DOCK3: variants seen among roughly 807,000 people sequenced by gnomAD.
DOCK3 encodes the protein dedicator of cytokinesis 3.
Under a neutral mutation model 265.6 loss-of-function variants are expected in DOCK3, and 60 were observed. The ratio of observed to expected loss-of-function variants is 0.23; its 90% CI spans 0.18 to 0.28. The LOEUF (loss-of-function observed/expected upper bound fraction) is 0.28, where lower values mean the gene tolerates loss of function less well. Ranked by LOEUF, DOCK3 falls within the 10% of genes least tolerant of loss-of-function variation. The pLI, the probability that DOCK3 is intolerant of heterozygous loss-of-function variation, is 1.00. For synonymous variants in DOCK3, 881 were observed against 938.0 expected, an observed-to-expected ratio of 0.94 and a Z score of 1.11; for missense variants, 1,981 against 2,594.3, an observed-to-expected ratio of 0.76 and a Z score of 5.14.
intron 3 of DOCK3, among the ~76,000 whole-genome samples, chr3:50,852,971 A>C (rs936269788): frequency 1.3e-5 from 2 of 152,180 alleles, no homozygotes; most frequent in African/African-American, 2.4e-5. Flanking sequence ...ACAATGTGTA[A>C]TGATCAAAAC....
At chr3:51,357,692 C>T in intron 44 of DOCK3, 66 bp from the exon 45 acceptor site, 1 of 1,549,422 alleles carries the variant, frequency 6.5e-7, no homozygotes, top group Non-Finnish European at 8.9e-7. Context: ...GGACTCAAGT[C>T]TCCTGGGCCC....
chr3:50,797,797 C>T (rs979445456), intron 2 of DOCK3, among the ~76,000 whole-genome samples: 1 of 152,068 alleles, frequency 6.6e-6, no homozygotes, highest in Non-Finnish European at 1.5e-5. Flanking sequence ...TTTTTTCATA[C>T]ATTTATTGGC....
At chr3:51,308,263 C>A (rs1441673627) in intron 27 of DOCK3, among the ~76,000 whole-genome samples, 1 of 147,762 alleles carries the variant, frequency 6.8e-6, no homozygotes, top group African/African-American at 2.5e-5. Context: ...GTGTTTCTCG[C>A]AGAGGGGGAT....
chr3:50,951,916 A>G (rs1459200677), intron 5 of DOCK3, among the ~76,000 whole-genome samples: 1 of 152,196 alleles, frequency 6.6e-6, no homozygotes, highest in African/African-American at 2.4e-5. Flanking sequence ...CATTTCCAAC[A>G]TTGTCTAAAA....
intron 35 of DOCK3, chr3:51,336,925 A>T: frequency 2.2e-6 from 1 of 455,840 alleles, no homozygotes; most frequent in Non-Finnish European, 4.4e-6. Context: ...GGGCCAACTT[A>T]CTGGGGAGAC....
chr3:50,972,730 G>A (rs577583358), intron 5 of DOCK3, among the ~76,000 whole-genome samples: 1 of 152,218 alleles, frequency 6.6e-6, no homozygotes, highest in East Asian at 1.9e-4. Flanking sequence ...GTTTCCTGGT[G>A]GATTTATTTC....
intron 5 of DOCK3, among the ~76,000 whole-genome samples, chr3:50,966,955 T>G (rs1055947410): frequency 9.2e-4 from 140 of 152,318 alleles, no homozygotes; most frequent in African/African-American, 3.2e-3. Flanking sequence ...TTTAAAAAAA[T>G]CTTTTTATTG....
At chr3:50,936,772 G>T (rs1397592198) in intron 5 of DOCK3, among the ~76,000 whole-genome samples, 1 of 152,190 alleles carries the variant, frequency 6.6e-6, no homozygotes, top group Non-Finnish European at 1.5e-5. Flanking sequence ...AAGAAAATTT[G>T]TTGACAGCAG....
chr3:51,096,377 T>C (rs1244773315), intron 9 of DOCK3, among the ~76,000 whole-genome samples: 1 of 152,212 alleles, frequency 6.6e-6, no homozygotes, highest in Non-Finnish European at 1.5e-5. Context: ...CTTCACACTT[T>C]ATTTCATTAA....
chr3:51,379,528 GCGC>G (rs2088436578), intron 51 of DOCK3: 1 of 985,334 alleles, frequency 1.0e-6, no homozygotes, highest in African/African-American at 1.7e-5. Context: ...CCCATATGGG[GCGC>G]ATCCTGGCCC....
intron 48 of DOCK3, 144 bp from the exon 49 acceptor site, chr3:51,362,383 A>C (rs989873496): frequency 6.2e-6 from 7 of 1,132,546 alleles, no homozygotes; most frequent in African/African-American, 3.1e-5. Flanking sequence ...TTGCCCAGCC[A>C]TTAGCCTGGC....
At chr3:50,863,107 T>C (rs967787664) in intron 3 of DOCK3, among the ~76,000 whole-genome samples, 4 of 152,178 alleles carry the variant, frequency 2.6e-5, no homozygotes, top group South Asian at 2.1e-4. Flanking sequence ...CCCTCCCTTA[T>C]GGGTGGCCCA....
At chr3:51,040,021 A>G (rs935471314) in intron 5 of DOCK3, among the ~76,000 whole-genome samples, 1 of 151,654 alleles carries the variant, frequency 6.6e-6, no homozygotes, top group Non-Finnish European at 1.5e-5. Flanking sequence ...TCTTTAAACC[A>G]TCTGGGACTC....
chr3:51,176,252 T>C (rs912361379), intron 12 of DOCK3, among the ~76,000 whole-genome samples: 14 of 152,172 alleles, frequency 9.2e-5, no homozygotes, highest in African/African-American at 1.4e-4. Context: ...TGCCGTAGGA[T>C]TGGAAAACAA....
intron 1 of DOCK3, among the ~76,000 whole-genome samples, chr3:50,713,581 GAT>G (rs1449707618): frequency 6.6e-6 from 1 of 152,000 alleles, no homozygotes; most frequent in Non-Finnish European, 1.5e-5. Context: ...CAGTAATTTT[GAT>G]ATGTCTTAGG....
intron 9 of DOCK3, among the ~76,000 whole-genome samples, chr3:51,133,202 A>G (rs1380581014): frequency 6.6e-6 from 1 of 152,136 alleles, no homozygotes; most frequent in East Asian, 1.9e-4. Context: ...TCTAGGGTAC[A>G]TGTGCACAAC....
chr3:51,030,944 A>T (rs2080022627), intron 5 of DOCK3, among the ~76,000 whole-genome samples: 1 of 152,176 alleles, frequency 6.6e-6, no homozygotes, highest in Non-Finnish European at 1.5e-5. Flanking sequence ...GGGCTACCCC[A>T]CTGAGTTTTC....
intron 1 of DOCK3, among the ~76,000 whole-genome samples, chr3:50,747,924 A>G (rs1339066193): frequency 1.3e-5 from 2 of 151,994 alleles, no homozygotes; most frequent in Non-Finnish European, 2.9e-5. Flanking sequence ...AGATTATAGA[A>G]ATGTGGTTGT....
chr3:51,078,825 G>A (rs572015230), intron 7 of DOCK3, among the ~76,000 whole-genome samples: 1 of 152,238 alleles, frequency 6.6e-6, no homozygotes, highest in South Asian at 2.1e-4. Flanking sequence ...AAATGAAGGA[G>A]TAAATCAAAA....
Sources: gnomAD v4.1 joint callset for allele counts (sites outside exome capture counted in the v4.1 genomes callset) on GRCh38, gnomAD v4.1.1 for gene constraint, MANE v1.5 for transcripts, NCBI Gene and HGNC (gene_info 2026-07-23, HGNC 2026-07-21) for gene names.